CHST15: variants seen among roughly 807,000 people sequenced by gnomAD.
The protein encoded by CHST15 is carbohydrate sulfotransferase 15.
Under a neutral mutation model 53.6 loss-of-function variants are expected in CHST15, and 30 were observed. That is an observed-to-expected ratio of 0.56 (90% CI 0.42 to 0.76). CHST15 has a LOEUF of 0.76. Ranked by LOEUF, CHST15 falls within the 30% of genes least tolerant of loss-of-function variation. The pLI, the probability that CHST15 is intolerant of heterozygous loss-of-function variation, is 0.00. For missense variants in CHST15, 627 were observed against 740.5 expected (o/e 0.85, Z 1.78); for synonymous variants, 296 against 289.8 (o/e 1.02, Z -0.22).
chr10:124,030,245 G>A (rs1947175227), intron 5 of CHST15, among the ~76,000 whole-genome samples: 1 of 152,106 alleles, frequency 6.6e-6, no homozygotes, highest in African/African-American at 2.4e-5. Context: ...CTCTGTGATC[G>A]AGGCCAACCC....
chr10:124,073,949 G>T (rs1187700790), intron 1 of CHST15, among the ~76,000 whole-genome samples: 1 of 152,168 alleles, frequency 6.6e-6, no homozygotes, highest in Non-Finnish European at 1.5e-5. Flanking sequence ...GGAGGCTGTA[G>T]ATCTTCCCCA....
chr10:124,068,970 G>A (rs1948830138), intron 1 of CHST15, among the ~76,000 whole-genome samples: 1 of 152,184 alleles, frequency 6.6e-6, no homozygotes, highest in South Asian at 2.1e-4. Context: ...GGAGATAATC[G>A]AAGCTAGAAA....
At chr10:124,022,544 G>A (rs934748413) in intron 5 of CHST15, among the ~76,000 whole-genome samples, 1 of 152,204 alleles carries the variant, frequency 6.6e-6, no homozygotes, top group Non-Finnish European at 1.5e-5. Context: ...ACACCAGTGA[G>A]ATCTCTAAAC....
chr10:124,025,244 A>G (rs573128326), intron 5 of CHST15, among the ~76,000 whole-genome samples: 6 of 152,310 alleles, frequency 3.9e-5, no homozygotes, highest in Admixed American at 3.9e-4. Context: ...ACTGGGACAT[A>G]CCTACTGTTC....
chr10:124,038,398 A>G (rs1005902820), intron 5 of CHST15, 117 bp downstream of exon 5: 15 of 1,208,762 alleles, frequency 1.2e-5, no homozygotes, highest in Admixed American at 6.0e-5. Context: ...GAGCCACTGT[A>G]CCCGACCTGT....
At chr10:124,011,304 T>G (rs1483066436) in intron 7 of CHST15, 4 of 847,666 alleles carry the variant, frequency 4.7e-6, no homozygotes, top group Non-Finnish European at 5.7e-6. Context: ...AGAATTGGCC[T>G]TACTATCCAT....
rs1467679299 is a variant in CHST15, at chr10:124,024,576, G to A, written c.1191-3164C>T. ...GATTTCCCCAGATCCACACTCGCCT[G>A]AGAATATTCCCCAAGACAACACCAC... On this transcript the variant is annotated intron_variant, in intron 5 of 7. Transcript: ENST00000435907. The surrounding 1 kb of genome is among the most constrained non-coding windows in gnomAD (Gnocchi z 4.0). Among the ~76,000 whole-genome samples the A allele has an allele frequency of 6.6e-6, 1 of 152,182 alleles. No individual in the cohort carries two copies. Among genetic ancestry groups the A allele is most frequent in the East Asian group, 1.9e-4 (1 of 5,192 alleles).
In CHST15 at chr10:124,008,969, C is replaced by G. The variant is rs1182676838; in HGVS notation, c.*1180G>C. 3.9e-6 allele frequency: 5 copies of G among 1,289,068 alleles called. No individual in the cohort carries two copies. The African/African-American group carries it at 7.6e-5, about 20-fold the overall frequency. The allele number at this position is 1,289,068 out of a possible 1,614,324, so 79.9% of individuals were successfully genotyped here. A position where few individuals can be genotyped will look rare whatever the true frequency, so the allele number is the denominator to read the frequency against. ...GAACACGGCTCTTAGAAACCTCATT[C>G]CAAATCTCAACACGCCACGTTCAGC... is the stretch of plus-strand genomic sequence containing the variant. On this transcript the variant is annotated 3_prime_UTR_variant, in exon 8 of 8. Transcript: ENST00000435907.
chr10:124,063,375 C>T (rs1307940055), intron 1 of CHST15, among the ~76,000 whole-genome samples: 7 of 151,938 alleles, frequency 4.6e-5, no homozygotes, highest in Non-Finnish European at 8.8e-5. Flanking sequence ...CAGAGTGACA[C>T]TCCGTCTCAA....
Position 124,061,722 on chromosome 10 carries a change from C to T in CHST15, c.-512-14998G>A, listed in dbSNP as rs185269257. ...AAAAAATGGTGTGGCAAATAGAAAA[C>T]GGACTGGGCCTAGGCCTCCAGGACG... On this transcript the variant is annotated intron_variant, in intron 1 of 7. Coordinates refer to ENST00000435907, the MANE Select transcript of CHST15 (RefSeq NM_001270764.2). 2.4e-4 allele frequency among the ~76,000 whole-genome samples: 37 copies of T among 152,204 alleles called. No homozygotes were observed. In the East Asian group the frequency reaches 6.9e-3, roughly 29 times the overall value.
At chr10:124,027,956 G>C (rs905002262) in intron 5 of CHST15, among the ~76,000 whole-genome samples, 1 of 152,186 alleles carries the variant, frequency 6.6e-6, no homozygotes, top group Non-Finnish European at 1.5e-5. Flanking sequence ...GATAGTTTTC[G>C]GGTTTTGTTT....
chr10:124,067,770 C>T (rs1334303445), intron 1 of CHST15, among the ~76,000 whole-genome samples: 2 of 152,188 alleles, frequency 1.3e-5, no homozygotes, highest in African/African-American at 2.4e-5. Context: ...GCGACCACCA[C>T]CATGCCCCGC....
intron 1 of CHST15, among the ~76,000 whole-genome samples, chr10:124,082,361 T>C (rs1367068918): frequency 6.6e-6 from 1 of 152,076 alleles, no homozygotes; most frequent in Non-Finnish European, 1.5e-5. Flanking sequence ...GCCCTCAGCT[T>C]CCCCATCTAT....
chr10:124,026,967 T>TG (rs1332758329), intron 5 of CHST15, among the ~76,000 whole-genome samples: 9 of 152,036 alleles, frequency 5.9e-5, no homozygotes, highest in African/African-American at 2.2e-4. Flanking sequence ...CAGGATAGCG[T>TG]GGGGGCCAGG....
At chr10:124,010,944 G>A (rs922737703) in intron 7 of CHST15, 17 of 985,318 alleles carry the variant, frequency 1.7e-5, no homozygotes, top group Non-Finnish European at 1.9e-5. Flanking sequence ...CTGCCGGCAA[G>A]GGCTGTCAGT....
At chr10:124,067,955 G>A (rs1052069905) in intron 1 of CHST15, among the ~76,000 whole-genome samples, 1 of 152,230 alleles carries the variant, frequency 6.6e-6, no homozygotes, top group Non-Finnish European at 1.5e-5. Flanking sequence ...AGGAGAGTTG[G>A]GTTTTCAAGT....
chr10:124,009,104 T>C lies in CHST15; in HGVS notation c.*1045A>G. 1 of 1,261,224 alleles carries C rather than the reference T, an allele frequency of 7.9e-7. No individual in the cohort carries two copies. Among genetic ancestry groups the C allele is most frequent in the Non-Finnish European group, 1.0e-6 (1 of 966,940 alleles). 78.1% of individuals were successfully genotyped at this position (1,261,224 alleles called of 1,614,324 possible). ...CAGTGGAGAATGTGGAAATAAACTA[T>C]TTCCAATGGGAAGGCAGAGAAATGG... On this transcript the variant is annotated 3_prime_UTR_variant, in exon 8 of 8. Coordinates refer to ENST00000435907, the MANE Select transcript of CHST15 (RefSeq NM_001270764.2).
intron 6 of CHST15, among the ~76,000 whole-genome samples, chr10:124,017,382 C>T (rs1052747986): frequency 4.6e-5 from 7 of 152,148 alleles, no homozygotes; most frequent in Non-Finnish European, 8.8e-5. Flanking sequence ...TAGCCGGATA[C>T]CTTGCCCCTC....
chr10:124,045,129 A>AAAAAAAAC lies in CHST15; in HGVS notation c.547-211_547-210insGTTTTTTT, dbSNP rs1564882188. 2.5e-3 allele frequency among the ~76,000 whole-genome samples: 377 copies of AAAAAAAAC among 148,256 alleles called. 2 individuals carry two copies. The highest frequency in any genetic ancestry group is 9.1e-3 in the African/African-American group (365 of 39,988). ...CCGCCCCACAAAAAAAAAAAAAAAA[A>AAAAAAAAC]AAAAAAAAAAAAAAACTTGGAGAGA... On this transcript the variant is annotated intron_variant, in intron 2 of 7. Coordinates refer to ENST00000435907, the MANE Select transcript of CHST15 (RefSeq NM_001270764.2).
Sources: allele counts gnomAD v4.1 joint callset (sites outside exome capture counted in the v4.1 genomes callset), GRCh38; gene constraint gnomAD v4.1.1; non-coding constraint Gnocchi (gnomAD v3.1); transcripts MANE v1.5; gene names NCBI Gene and HGNC (gene_info 2026-07-23, HGNC 2026-07-21).